The following FPR3 variants were observed in gnomAD, a reference collection of about 807,000 sequenced individuals.
FPR3 encodes the protein formyl peptide receptor 3.
For synonymous variants in FPR3, 135 were observed against 163.6 expected (o/e 0.83, Z 1.34); for missense variants, 346 against 443.2 (o/e 0.78, Z 1.97).
At chr19:51,819,317 A>G (rs1358189911) in intron 1 of FPR3, among the ~76,000 whole-genome samples, 1 of 152,208 alleles carries the variant, frequency 6.6e-6, no homozygotes, top group Non-Finnish European at 1.5e-5. Context: ...CTAATAATTC[A>G]GATGAGAGGA....
intron 1 of FPR3, chr19:51,804,234 A>G (rs1194646376): frequency 6.6e-6 from 1 of 152,054 alleles, no homozygotes; most frequent in African/African-American, 2.4e-5. Flanking sequence ...TTCCAGTTCT[A>G]CACCACAGTC....
rs2084003959 is a variant in FPR3 at position 51,797,035 on chromosome 19, A to G, written c.-11+1704A>G. On this transcript the variant is annotated intron_variant, in intron 1 of 1. Coordinates refer to ENST00000339223, the MANE Select transcript of FPR3 (RefSeq NM_002030.5). ...GGAAGAGAATCGAGCTGTAGAGACGACCAAGAGTGTATTGTGTGCACATAT... is the reference window on the plus strand; with the variant it reads ...GGAAGAGAATCGAGCTGTAGAGACGGCCAAGAGTGTATTGTGTGCACATAT... 2.0e-5 allele frequency among the ~76,000 whole-genome samples: 3 copies of G among 152,206 alleles called. No homozygotes were observed. The South Asian group carries it at 6.2e-4, about 32-fold the overall frequency.
intron 1 of FPR3, among the ~76,000 whole-genome samples, chr19:51,810,226 T>C (rs1324134213): frequency 6.6e-6 from 1 of 152,246 alleles, no homozygotes. Context: ...GCTCAGTTCC[T>C]ACATCTTGAC....
intron 1 of FPR3, among the ~76,000 whole-genome samples, chr19:51,812,510 C>A (rs1397911731): frequency 9.2e-5 from 14 of 152,188 alleles, no homozygotes; most frequent in Admixed American, 9.2e-4. Flanking sequence ...ATTTTGCTCT[C>A]ATTCATTTGG....
At chr19:51,817,329 A>G (rs1196240151) in intron 1 of FPR3, among the ~76,000 whole-genome samples, 1 of 152,158 alleles carries the variant, frequency 6.6e-6, no homozygotes, top group African/African-American at 2.4e-5. Flanking sequence ...CACTCATACT[A>G]AAGTTCTATG....
In FPR3 at chr19:51,795,339, G is replaced by A. The variant is rs2083989642; in HGVS notation, c.-11+8G>A. ...AAAGGATCTAAGCTGGTGGTAAGTT[G>A]GGGTCTGAAAATTTTAAAGTTATTG... On this transcript the variant is annotated splice_region_variant and intron_variant, in intron 1 of 1. Coordinates refer to ENST00000339223, the MANE Select transcript of FPR3 (RefSeq NM_002030.5). The A allele has an allele frequency of 6.6e-6, 1 of 152,038 alleles. No homozygotes were observed. The allele number at this position is 152,038 out of a possible 1,614,324, so 9.4% of individuals were successfully genotyped here.
In FPR3 at chr19:51,824,964, C is replaced by T. The variant is rs2084221937; in HGVS notation, c.*154C>T. On this transcript the variant is annotated 3_prime_UTR_variant, in exon 2 of 2. Transcript: ENST00000339223. This position sits in a 1 kb window ranked among gnomAD's most constrained non-coding sequence, Gnocchi z 4.7. ...CCAAATCTGTAGGGGGTTTTTCCCACAACCAAGCAATAGACACCAGCTGGG... is the reference window on the plus strand; with the variant it reads ...CCAAATCTGTAGGGGGTTTTTCCCATAACCAAGCAATAGACACCAGCTGGG... 1.6e-6 allele frequency: 1 copy of T among 638,256 alleles called. No homozygotes were observed. The highest frequency in any genetic ancestry group is 1.8e-5 in the African/African-American group (1 of 54,422). 39.5% of individuals were successfully genotyped at this position (638,256 alleles called of 1,614,324 possible). A position where few individuals can be genotyped will look rare whatever the true frequency, so the allele number is the denominator to read the frequency against.
Position 51,824,498 on chromosome 19 carries a change from C to T in FPR3, c.750C>T (p.Phe250=), listed in dbSNP as rs2122500533. The T allele has an allele frequency of 6.2e-7, 1 of 1,614,006 alleles. No homozygotes were observed. Among genetic ancestry groups the T allele is most frequent in the Non-Finnish European group, 8.5e-7 (1 of 1,179,968 alleles). Residue 250 remains phenylalanine (F), a synonymous_variant, in exon 2 of 2, where the codon TTC becomes TTT. Coordinates refer to ENST00000339223, the MANE Select transcript of FPR3 (RefSeq NM_002030.5). The surrounding 1 kb of genome is among the most constrained non-coding windows in gnomAD (Gnocchi z 4.7). ...LRVFAAVVAS[F]FICWFPYELI... ...TCTTCGCTGCTGTGGTGGCTTCTTT[C>T]TTCATCTGTTGGTTCCCTTATGAAC...
intron 1 of FPR3, among the ~76,000 whole-genome samples, chr19:51,823,049 G>A (rs2084202195): frequency 6.6e-6 from 1 of 152,064 alleles, no homozygotes; most frequent in African/African-American, 2.4e-5. Flanking sequence ...TTTTAGTAGA[G>A]ATGGAGTTTC....
chr19:51,823,879 A>T lies in FPR3; in HGVS notation c.131A>T (p.Asn44Ile). The T allele has an allele frequency of 6.2e-7, 1 of 1,613,968 alleles. No individual in the cohort carries two copies. The highest frequency in any genetic ancestry group is 8.5e-7 in the Non-Finnish European group (1 of 1,179,972). ...ACCTTTGTCTTCGGGGTCCTGGGCA[A>T]TGGGCTTGTGATCTGGGTGGCTGGA... ...GVTFVFGVLG[N>I]GLVIWVAGFR... Residue 44 changes from asparagine (N) to isoleucine (I), a missense_variant, in exon 2 of 2, where the codon AAT (asparagine) becomes ATT (isoleucine). Coordinates refer to ENST00000339223, the MANE Select transcript of FPR3 (RefSeq NM_002030.5).
chr19:51,823,154 C>T (rs531857545), intron 1 of FPR3, among the ~76,000 whole-genome samples: 31 of 152,244 alleles, frequency 2.0e-4, no homozygotes, highest in African/African-American at 7.2e-5. Flanking sequence ...TGAGTCACCA[C>T]GCCCGGCCTA....
In FPR3 at chr19:51,825,015, A is replaced by G. The variant is rs968076194; in HGVS notation, c.*205A>G. 9.0e-5 allele frequency: 50 copies of G among 555,850 alleles called. No individual in the cohort carries two copies. Among genetic ancestry groups the G allele is most frequent in the African/African-American group, 8.7e-4 (46 of 52,718 alleles). 34.4% of individuals were successfully genotyped at this position (555,850 alleles called of 1,614,324 possible). ...TGTCCTACAATTAAATTCCAACACT[A>G]TCTACCTGGAGCTACTGTCAGATCC... is the stretch of plus-strand genomic sequence containing the variant. On this transcript the variant is annotated 3_prime_UTR_variant, in exon 2 of 2. Coordinates refer to ENST00000339223, the MANE Select transcript of FPR3 (RefSeq NM_002030.5).
intron 1 of FPR3, among the ~76,000 whole-genome samples, chr19:51,818,914 TG>T (rs2084166553): frequency 6.6e-6 from 1 of 152,222 alleles, no homozygotes; most frequent in African/African-American, 2.4e-5. Context: ...TGTCTGTGTC[TG>T]GATTTTAGCA....
Position 51,824,188 on chromosome 19 carries a change from C to T in FPR3, c.440C>T (p.Thr147Met), listed in dbSNP as rs61736493. ...ATGAGTCTGGCCAAGAGGGTGATGA[C>T]GGGACTCTGGATTTTCACCATAGTC... ...RTMSLAKRVM[T>M]GLWIFTIVLT... is the part of the protein sequence containing the mutation. Residue 147 changes from threonine (T) to methionine (M), a missense_variant, in exon 2 of 2, where the codon ACG becomes ATG. Thr to Met is a moderately conservative substitution (Grantham distance 81). Coordinates refer to ENST00000339223, the MANE Select transcript of FPR3 (RefSeq NM_002030.5). The surrounding 1 kb of genome is among the most constrained non-coding windows in gnomAD (Gnocchi z 4.7). 3,122 of 1,614,066 alleles carry T rather than the reference C, an allele frequency of 1.9e-3. 27 individuals are homozygous for T. The African/African-American group carries it at 0.026, about 13-fold the overall frequency.
intron 1 of FPR3, among the ~76,000 whole-genome samples, chr19:51,814,691 G>A (rs908109685): frequency 7.9e-5 from 12 of 151,906 alleles, no homozygotes; most frequent in Admixed American, 7.9e-4. Context: ...ATGGGTTTTC[G>A]CCATGTTGGC....
chr19:51,808,863 T>C (rs1209723106), intron 1 of FPR3, among the ~76,000 whole-genome samples: 1 of 152,210 alleles, frequency 6.6e-6, no homozygotes, highest in East Asian at 1.9e-4. Context: ...CATCCCATTG[T>C]TCTTTTACTA....
Position 51,799,072 on chromosome 19 carries a change from A to G in FPR3, c.-11+3741A>G, listed in dbSNP as rs146768905. On this transcript the variant is annotated intron_variant, in intron 1 of 1. Transcript: ENST00000339223. ...CAGTGAGCCGAGATCACACCGCTGC[A>G]GTCCAGCTGGGTGACAGAGGAAAAA... Among the ~76,000 whole-genome samples, 195 of 152,254 alleles carry G rather than the reference A, an allele frequency of 1.3e-3. 1 individual carries two copies. Among genetic ancestry groups the G allele is most frequent in the Non-Finnish European group, 2.4e-3 (165 of 68,008 alleles).
In FPR3 at chr19:51,824,803, C is replaced by T; in HGVS notation, c.1055C>T (p.Ala352Val). ...ASPPEETELQ[A>V]M ...CCTCCTGAGGAGACGGAGTTACAAG[C>T]AATGTGAGGTCGGGGATATTTTTGG... is the stretch of plus-strand genomic sequence containing the variant. The change falls in exon 2 of 2, where the codon GCA becomes GTA. Residue 352 changes from alanine to valine, a missense_variant. Coordinates refer to ENST00000339223, the MANE Select transcript of FPR3 (RefSeq NM_002030.5). This position sits in a 1 kb window ranked among gnomAD's most constrained non-coding sequence, Gnocchi z 4.7. The T allele has an allele frequency of 1.2e-6, 2 of 1,607,304 alleles. No homozygotes were observed. Among genetic ancestry groups the T allele is most frequent in the Non-Finnish European group, 1.7e-6 (2 of 1,175,960 alleles).
At chr19:51,821,418 G>A (rs886147997) in intron 1 of FPR3, among the ~76,000 whole-genome samples, 8 of 152,218 alleles carry the variant, frequency 5.3e-5, no homozygotes, top group East Asian at 3.9e-4. Flanking sequence ...TACTAGCATC[G>A]GTGGATAGAG....
Sources: gnomAD v4.1 joint callset for allele counts (sites outside exome capture counted in the v4.1 genomes callset) on GRCh38, gnomAD v4.1.1 for gene constraint, Gnocchi (gnomAD v3.1) non-coding constraint, MANE v1.5 for transcripts, NCBI Gene and HGNC (gene_info 2026-07-23, HGNC 2026-07-21) for gene names.